The following NKAIN3 variants were observed in gnomAD, a reference collection of about 807,000 sequenced individuals.
NKAIN3 encodes the protein sodium/potassium transporting ATPase interacting 3, also known as sodium/potassium-transporting ATPase subunit beta-1-interacting protein 3.
NKAIN3 carries 25 observed loss-of-function variants against 30.2 expected under a neutral mutation model. That is an observed-to-expected ratio of 0.83 (90% CI 0.60 to 1.16). NKAIN3 has a LOEUF of 1.16. Ranked by LOEUF, NKAIN3 falls within the 50% of genes most tolerant of loss-of-function variation. NKAIN3 has a pLI of 0.00. For missense variants in NKAIN3, 225 were observed against 254.1 expected (o/e 0.89, Z 0.78); for synonymous variants, 91 against 89.6 (o/e 1.02, Z -0.09).
intron 3 of NKAIN3, among the ~76,000 whole-genome samples, chr8:62,618,375 A>G (rs529537406): frequency 1.3e-5 from 2 of 152,254 alleles, no homozygotes; most frequent in African/African-American, 4.8e-5. Context: ...TCAGGATCCA[A>G]AACTTCATGA....
intron 3 of NKAIN3, among the ~76,000 whole-genome samples, chr8:62,645,034 C>A (rs1812414634): frequency 6.6e-6 from 1 of 152,110 alleles, no homozygotes; most frequent in African/African-American, 2.4e-5. Flanking sequence ...AGGTCTTTAA[C>A]TTTGCTTGAT....
Position 62,666,043 on chromosome 8 carries a change from G to A in NKAIN3, c.273+76249G>A, listed in dbSNP as rs1478237949. 5.3e-5 allele frequency among the ~76,000 whole-genome samples: 8 copies of A among 152,088 alleles called. No individual in the cohort carries two copies. The South Asian group carries it at 1.0e-3, about 20-fold the overall frequency. On this transcript the variant is annotated intron_variant, in intron 3 of 6. Transcript: ENST00000623646. The stretch of plus-strand genomic sequence containing the variant: ...AGCCTGGCCAAGATGGTGAAACCCC[G>A]TCTCTACTAAAAATACAAAAAGTAG...
At chr8:62,547,714 A>T (rs2129920437) in intron 1 of NKAIN3, among the ~76,000 whole-genome samples, 1 of 152,296 alleles carries the variant, frequency 6.6e-6, no homozygotes, top group East Asian at 1.9e-4. Context: ...TTTAGATATC[A>T]AGTGTTGGGG....
intron 3 of NKAIN3, among the ~76,000 whole-genome samples, chr8:62,667,361 G>T (rs200553192): frequency 4.4e-5 from 6 of 137,050 alleles, no homozygotes; most frequent in Admixed American, 1.5e-4. Flanking sequence ...ATATATATCT[G>T]TATATATATA....
chr8:62,861,288 G>A (rs895687342), intron 4 of NKAIN3, among the ~76,000 whole-genome samples: 1 of 152,120 alleles, frequency 6.6e-6, no homozygotes, highest in African/African-American at 2.4e-5. Flanking sequence ...GTAACTCCTC[G>A]AGCTGGGTGA....
At chr8:62,500,483 A>AG (rs1563427506) in intron 1 of NKAIN3, among the ~76,000 whole-genome samples, 4 of 143,450 alleles carry the variant, frequency 2.8e-5, no homozygotes, top group African/African-American at 1.1e-4. Context: ...GAAAGAAAGA[A>AG]AGAAGAAAAG....
In NKAIN3 at chr8:62,707,558, T is replaced by G. The variant is rs192601375; in HGVS notation, c.274-39374T>G. On this transcript the variant is annotated intron_variant, in intron 3 of 6. Transcript: ENST00000623646. The stretch of plus-strand genomic sequence containing the variant: ...TTGTCTATCCATGTCCTTAGCCCAC[T>G]TTTTGATGGGATTCTTTGTTTTTTT... Among the ~76,000 whole-genome samples, 262 of 152,294 alleles carry G rather than the reference T, an allele frequency of 1.7e-3. 4 individuals are homozygous for G. Among genetic ancestry groups the G allele is most frequent in the African/African-American group, 6.0e-3 (250 of 41,562 alleles).
chr8:62,943,585 G>A (rs950411717), intron 5 of NKAIN3, among the ~76,000 whole-genome samples: 5 of 148,484 alleles, frequency 3.4e-5, no homozygotes, highest in East Asian at 1.9e-4. Flanking sequence ...ACACTTGCAC[G>A]TGCATGTTTA....
intron 1 of NKAIN3, among the ~76,000 whole-genome samples, chr8:62,401,140 C>T (rs1447875391): frequency 1.3e-5 from 2 of 151,760 alleles, no homozygotes; most frequent in Non-Finnish European, 2.9e-5. Flanking sequence ...CTTTTGTCTT[C>T]TCTGTCTGTG....
At chr8:62,509,423 C>G (rs1175989231) in intron 1 of NKAIN3, among the ~76,000 whole-genome samples, 2 of 152,144 alleles carry the variant, frequency 1.3e-5, no homozygotes, top group Non-Finnish European at 2.9e-5. Flanking sequence ...TTGCTTATTG[C>G]TGAGCTTCCC....
At chr8:62,334,294 G>A (rs556687123) in intron 1 of NKAIN3, among the ~76,000 whole-genome samples, 1 of 152,184 alleles carries the variant, frequency 6.6e-6, no homozygotes, top group South Asian at 2.1e-4. Context: ...GCAGAGCCAT[G>A]CTCTAGGGAA....
At chr8:62,416,492 A>G (rs12550685) in intron 1 of NKAIN3, among the ~76,000 whole-genome samples, 16,606 of 152,192 alleles carry the variant, frequency 0.11, 1,336 homozygotes, top group African/African-American at 0.22. Context: ...AACAAAAAAG[A>G]CCAATGGCTA....
At chr8:62,890,617 A>C (rs887817463) in intron 4 of NKAIN3, among the ~76,000 whole-genome samples, 3 of 152,240 alleles carry the variant, frequency 2.0e-5, no homozygotes, top group Non-Finnish European at 2.9e-5. Context: ...AAGAATTAGC[A>C]TTCCATACTT....
intron 1 of NKAIN3, among the ~76,000 whole-genome samples, chr8:62,563,049 A>C (rs1012191306): frequency 2.6e-5 from 4 of 152,064 alleles, no homozygotes; most frequent in African/African-American, 9.7e-5. Flanking sequence ...CACCTATCCT[A>C]GGGGCTCAAC....
chr8:62,754,531 A>G (rs1455588023), intron 4 of NKAIN3, among the ~76,000 whole-genome samples: 1 of 152,168 alleles, frequency 6.6e-6, no homozygotes, highest in African/African-American at 2.4e-5. Flanking sequence ...CACTGTCAAT[A>G]TATTCTCCCT....
At chr8:62,262,486 A>G (rs1414068014) in intron 1 of NKAIN3, among the ~76,000 whole-genome samples, 1 of 152,086 alleles carries the variant, frequency 6.6e-6, no homozygotes, top group African/African-American at 2.4e-5. Context: ...ATTCTTTTTG[A>G]TGTCTGTTGG....
At chr8:62,809,168 G>A (rs560613956) in intron 4 of NKAIN3, among the ~76,000 whole-genome samples, 2 of 152,096 alleles carry the variant, frequency 1.3e-5, no homozygotes, top group South Asian at 2.1e-4. Flanking sequence ...CCTGAACATC[G>A]CTGTTATCCT....
At chr8:62,909,822 G>A (rs1275529960) in intron 4 of NKAIN3, among the ~76,000 whole-genome samples, 2 of 152,130 alleles carry the variant, frequency 1.3e-5, no homozygotes, top group African/African-American at 4.8e-5. Context: ...AATTCTGTTT[G>A]AGGACTTGAA....
intron 3 of NKAIN3, among the ~76,000 whole-genome samples, chr8:62,616,852 T>C (rs1811469797): frequency 6.6e-6 from 1 of 152,192 alleles, no homozygotes; most frequent in African/African-American, 2.4e-5. Flanking sequence ...ATAGTTTGGA[T>C]GTCCTCTCCA....
Sources: allele counts gnomAD v4.1 joint callset (sites outside exome capture counted in the v4.1 genomes callset), GRCh38; gene constraint gnomAD v4.1.1; transcripts MANE v1.5; gene names NCBI Gene and HGNC (gene_info 2026-07-23, HGNC 2026-07-21).